LYPD6B: variants seen among roughly 807,000 people sequenced by gnomAD.
LYPD6B encodes the protein ly6/PLAUR domain-containing protein 6B.
In LYPD6B, 17 loss-of-function variants were observed where a neutral mutation model predicts 22.8. That is an observed-to-expected ratio of 0.75 (90% CI 0.51 to 1.12). The LOEUF (loss-of-function observed/expected upper bound fraction) is 1.12. Ranked by LOEUF, LYPD6B falls within the 50% of genes most tolerant of loss-of-function variation. The pLI is 0.00. For missense variants in LYPD6B, 221 were observed against 258.3 expected (o/e 0.86, Z 0.99); for synonymous variants, 106 against 91.6 (o/e 1.16, Z -0.90).
intron 1 of LYPD6B, among the ~76,000 whole-genome samples, chr2:149,050,667 G>T (rs1683509641): frequency 6.6e-6 from 1 of 152,160 alleles, no homozygotes; most frequent in African/African-American, 2.4e-5. Flanking sequence ...GTGTTACTGA[G>T]AAATGTGCAT....
At chr2:149,170,522 TA>T (rs1690745886) in intron 3 of LYPD6B, among the ~76,000 whole-genome samples, 1 of 152,140 alleles carries the variant, frequency 6.6e-6, no homozygotes, top group Non-Finnish European at 1.5e-5. Context: ...GATGTATGGG[TA>T]GTTATAGAAA....
At position 149,063,454 on chromosome 2, in the gene LYPD6B, T is replaced by C. The variant is rs370510568; in HGVS notation, c.-67+24653T>C. 9.0e-4 allele frequency among the ~76,000 whole-genome samples: 137 copies of C among 152,340 alleles called. 3 individuals carry two copies. The South Asian group carries it at 0.028, about 31-fold the overall frequency. ...GATTTTAACAGGAATTCTTAGCTGATTGATGCTCCACTGAGGTGGAAATGG... is the reference window on the plus strand; with the variant it reads ...GATTTTAACAGGAATTCTTAGCTGACTGATGCTCCACTGAGGTGGAAATGG... On this transcript the variant is annotated intron_variant, in intron 1 of 6. Transcript: ENST00000409642.
intron 3 of LYPD6B, among the ~76,000 whole-genome samples, chr2:149,176,288 T>C (rs1278977766): frequency 6.6e-6 from 1 of 152,130 alleles, no homozygotes; most frequent in Non-Finnish European, 1.5e-5. Context: ...TGTATGTGCG[T>C]GTGTGCACAC....
chr2:149,118,382 T>G (rs544958880), intron 1 of LYPD6B: 1 of 152,268 alleles, frequency 6.6e-6, no homozygotes, highest in Non-Finnish European at 1.5e-5. Flanking sequence ...CACAGTTAAC[T>G]TTACATTCTG....
chr2:149,117,129 TCA>T (rs1247189613), intron 1 of LYPD6B, among the ~76,000 whole-genome samples: 16 of 152,258 alleles, frequency 1.1e-4, no homozygotes, highest in Admixed American at 7.8e-4. Context: ...GTAGTAACCC[TCA>T]GTCTATCCTA....
At chr2:149,098,100 A>G (rs1373381432) in intron 1 of LYPD6B, among the ~76,000 whole-genome samples, 1 of 152,074 alleles carries the variant, frequency 6.6e-6, no homozygotes, top group Admixed American at 6.6e-5. Context: ...TTTGAGGTGG[A>G]AAATCCTACG....
At chr2:149,191,912 G>T (rs1215484559) in intron 3 of LYPD6B, among the ~76,000 whole-genome samples, 1 of 152,192 alleles carries the variant, frequency 6.6e-6, no homozygotes, top group Non-Finnish European at 1.5e-5. Context: ...AGGAAGAGGA[G>T]CCAGCAAAGG....
At chr2:149,120,711 C>T (rs34063855) in intron 1 of LYPD6B, among the ~76,000 whole-genome samples, 5 of 147,986 alleles carry the variant, frequency 3.4e-5, no homozygotes, top group African/African-American at 1.3e-4. Flanking sequence ...AATTAAAATT[C>T]TGATGCACGT....
At chr2:149,047,449 C>T (rs1683362972) in intron 1 of LYPD6B, among the ~76,000 whole-genome samples, 1 of 152,022 alleles carries the variant, frequency 6.6e-6, no homozygotes, top group African/African-American at 2.4e-5. Context: ...GACAAGAAGT[C>T]TTCTGTAATT....
intron 3 of LYPD6B, among the ~76,000 whole-genome samples, chr2:149,164,085 G>T (rs1321916977): frequency 3.3e-5 from 5 of 152,142 alleles, no homozygotes; most frequent in Admixed American, 6.5e-5. Context: ...GACAGAGTTT[G>T]TCTGGGTGGG....
intron 3 of LYPD6B, among the ~76,000 whole-genome samples, chr2:149,173,349 C>CT (rs67113716): frequency 0.016 from 938 of 58,466 alleles, 116 homozygotes; most frequent in African/African-American, 0.051. Flanking sequence ...TCTGTCAGGC[C>CT]TTTTTTTTTT....
At chr2:149,128,107 A>T (rs568027803) in intron 1 of LYPD6B, among the ~76,000 whole-genome samples, 1 of 152,328 alleles carries the variant, frequency 6.6e-6, no homozygotes, top group African/African-American at 2.4e-5. Context: ...AAGAAAAAAC[A>T]TAACCTATTG....
chr2:149,128,364 A>G (rs879334531), intron 1 of LYPD6B, among the ~76,000 whole-genome samples: 8 of 152,216 alleles, frequency 5.3e-5, no homozygotes, highest in Admixed American at 3.9e-4. Flanking sequence ...AGAGCAGGTT[A>G]TTTGGTTCAA....
At chr2:149,184,821 T>C (rs1001891551) in intron 3 of LYPD6B, among the ~76,000 whole-genome samples, 5 of 152,208 alleles carry the variant, frequency 3.3e-5, no homozygotes, top group African/African-American at 1.2e-4. Context: ...GTGGTGGCCA[T>C]GTGGCTTAGA....
At chr2:149,145,544 C>T (rs1175348531) in intron 2 of LYPD6B, among the ~76,000 whole-genome samples, 1 of 152,212 alleles carries the variant, frequency 6.6e-6, no homozygotes, top group African/African-American at 2.4e-5. Flanking sequence ...CCACATCTGT[C>T]TCTTCTGCAA....
chr2:149,092,314 G>T (rs1179368293), intron 1 of LYPD6B, among the ~76,000 whole-genome samples: 1 of 152,102 alleles, frequency 6.6e-6, no homozygotes, highest in Non-Finnish European at 1.5e-5. Flanking sequence ...TTATTATGCA[G>T]GGGTGCTGAG....
chr2:149,128,306 C>T (rs545679885), intron 1 of LYPD6B, among the ~76,000 whole-genome samples: 1 of 152,242 alleles, frequency 6.6e-6, no homozygotes, highest in South Asian at 2.1e-4. Flanking sequence ...TAGGGATGTT[C>T]CATCAAATAG....
chr2:149,180,118 T>C (rs779019389), intron 3 of LYPD6B, among the ~76,000 whole-genome samples: 1 of 152,228 alleles, frequency 6.6e-6, no homozygotes, highest in Non-Finnish European at 1.5e-5. Flanking sequence ...TGCTCTAGCA[T>C]CTGCGAAGAC....
intron 1 of LYPD6B, among the ~76,000 whole-genome samples, chr2:149,080,029 A>C (rs979529908): frequency 2.0e-5 from 3 of 152,146 alleles, no homozygotes; most frequent in African/African-American, 7.2e-5. Context: ...GCCAAAGGGG[A>C]CTATGTAAGT....
Sources: allele counts gnomAD v4.1 joint callset (sites outside exome capture counted in the v4.1 genomes callset), GRCh38; gene constraint gnomAD v4.1.1; transcripts MANE v1.5; gene names NCBI Gene and HGNC (gene_info 2026-07-23, HGNC 2026-07-21).